The following BMPR1B variants were observed in gnomAD, a reference collection of about 807,000 sequenced individuals.
BMPR1B encodes bone morphogenetic protein receptor type 1B.
BMPR1B carries 12 observed loss-of-function variants against 59.1 expected under a neutral mutation model. The ratio of observed to expected loss-of-function variants is 0.20; its 90% CI spans 0.13 to 0.33. The LOEUF (loss-of-function observed/expected upper bound fraction) is 0.33, where lower values mean the gene tolerates loss of function less well. BMPR1B is among the 10% of genes least tolerant of loss of function. The pLI is 1.00. For missense variants in BMPR1B, 550 were observed against 610.9 expected (o/e 0.90, Z 1.05); for synonymous variants, 237 against 207.3 (o/e 1.14, Z -1.23).
At chr4:94,813,753 T>C (rs1360874219) in intron 1 of BMPR1B, among the ~76,000 whole-genome samples, 1 of 152,082 alleles carries the variant, frequency 6.6e-6, no homozygotes, top group Non-Finnish European at 1.5e-5. Context: ...AGAGAAATGA[T>C]GGCTTAGACT....
intron 3 of BMPR1B, among the ~76,000 whole-genome samples, chr4:95,066,675 A>G (rs749223786): frequency 2.0e-5 from 3 of 152,220 alleles, no homozygotes; most frequent in Non-Finnish European, 4.4e-5. Context: ...ATACTTTTCA[A>G]ATTGTGGTCC....
chr4:95,133,759 T>G (rs1447035931), intron 10 of BMPR1B, among the ~76,000 whole-genome samples: 1 of 151,380 alleles, frequency 6.6e-6, no homozygotes. Flanking sequence ...TTTTAATAGA[T>G]GGGATCTCAC....
At chr4:94,991,266 A>G (rs1423383635) in intron 2 of BMPR1B, among the ~76,000 whole-genome samples, 1 of 151,992 alleles carries the variant, frequency 6.6e-6, no homozygotes, top group Non-Finnish European at 1.5e-5. Flanking sequence ...TTTACTTCTC[A>G]TTGTACATGC....
intron 2 of BMPR1B, among the ~76,000 whole-genome samples, chr4:94,924,625 C>T (rs560838041): frequency 6.6e-6 from 1 of 152,246 alleles, no homozygotes; most frequent in East Asian, 1.9e-4. Flanking sequence ...ACAAGACAGT[C>T]CATGGTTTCC....
chr4:95,069,299 A>G (rs1315132531), intron 3 of BMPR1B, among the ~76,000 whole-genome samples: 1 of 152,186 alleles, frequency 6.6e-6, no homozygotes, highest in East Asian at 1.9e-4. Flanking sequence ...CATAGCAATC[A>G]GAGTAGAAGT....
chr4:94,892,546 A>C (rs1248150199), intron 2 of BMPR1B, among the ~76,000 whole-genome samples: 2 of 152,068 alleles, frequency 1.3e-5, no homozygotes, highest in Non-Finnish European at 2.9e-5. Flanking sequence ...CTGAAGACCA[A>C]AAAAAGGGTA....
chr4:95,085,279 C>A (rs2149241291), intron 3 of BMPR1B, among the ~76,000 whole-genome samples: 1 of 152,184 alleles, frequency 6.6e-6, no homozygotes, highest in East Asian at 1.9e-4. Context: ...TCCAGCAGAC[C>A]AATGGCAGGT....
intron 2 of BMPR1B, among the ~76,000 whole-genome samples, chr4:94,973,083 A>G (rs1730877962): frequency 6.6e-6 from 1 of 152,122 alleles, no homozygotes; most frequent in Non-Finnish European, 1.5e-5. Context: ...GGCACCAGCA[A>G]TAGCAAACTC....
intron 2 of BMPR1B, among the ~76,000 whole-genome samples, chr4:94,915,535 T>C (rs1728450248): frequency 6.6e-6 from 1 of 152,202 alleles, no homozygotes; most frequent in South Asian, 2.1e-4. Context: ...AGTGTTCAAT[T>C]GGACAGATGT....
chr4:94,808,625 G>C (rs1723697485), intron 1 of BMPR1B, among the ~76,000 whole-genome samples: 1 of 152,146 alleles, frequency 6.6e-6, no homozygotes. Context: ...TGAGATTCCA[G>C]ATATGCACTT....
chr4:95,078,517 T>G (rs970661189), intron 3 of BMPR1B, among the ~76,000 whole-genome samples: 8 of 152,160 alleles, frequency 5.3e-5, no homozygotes, highest in Admixed American at 3.9e-4. Flanking sequence ...AAGTAAATAT[T>G]ATTACCCCTG....
At chr4:94,791,880 T>A (rs2110603736) in intron 1 of BMPR1B, among the ~76,000 whole-genome samples, 1 of 151,260 alleles carries the variant, frequency 6.6e-6, no homozygotes, top group South Asian at 2.1e-4. Flanking sequence ...ATTCATTTTC[T>A]GAAATGAATA....
chr4:94,982,590 C>T (rs28676957), intron 2 of BMPR1B, among the ~76,000 whole-genome samples: 62,775 of 152,014 alleles, frequency 0.41, 13,750 homozygotes, highest in East Asian at 0.71. Context: ...AAAAAGTCCT[C>T]GTTGATATTA....
At chr4:95,131,556 T>C (rs377690858) in intron 10 of BMPR1B, 44 bp downstream of exon 10, 14 of 1,600,886 alleles carry the variant, frequency 8.7e-6, no homozygotes, top group Non-Finnish European at 1.2e-5. Context: ...GACTCTTTTC[T>C]GTTACTTTTT....
At position 94,819,511 on chromosome 4, in the gene BMPR1B, C is replaced by T. The variant is rs118171245; in HGVS notation, c.-182-56320C>T. 8.6e-3 allele frequency among the ~76,000 whole-genome samples: 1,313 copies of T among 152,250 alleles called. 19 individuals are homozygous for T. Among genetic ancestry groups the T allele is most frequent in the South Asian group, 0.056 (272 of 4,824 alleles). On this transcript the variant is annotated intron_variant, in intron 1 of 12. Coordinates refer to ENST00000515059, the MANE Select transcript of BMPR1B (RefSeq NM_001203.3). ...CTGTGTGGGAATTCAGACACTGTGG[C>T]GTAGCCAGTGGAAGTATTTTTAGCC...
rs887071727 is a variant in BMPR1B, at chr4:94,840,709, T to C, written c.-182-35122T>C. On this transcript the variant is annotated intron_variant, in intron 1 of 12. Transcript: ENST00000515059. The stretch of plus-strand genomic sequence containing the variant: ...TCAACTTCTTTGTCTTTGGTTTGAA[T>C]GTCCTCCCGTAGCTCAGAGTAATTT... Among the ~76,000 whole-genome samples, 32 of 147,764 alleles carry C rather than the reference T, an allele frequency of 2.2e-4. 5 individuals are homozygous for C. Among genetic ancestry groups the C allele is most frequent in the Non-Finnish European group, 3.5e-4 (23 of 66,328 alleles).
chr4:94,937,431 C>T (rs1388694905), intron 2 of BMPR1B, among the ~76,000 whole-genome samples: 1 of 152,156 alleles, frequency 6.6e-6, no homozygotes, highest in East Asian at 1.9e-4. Context: ...ACACTGCCTT[C>T]TGTTTTTCTC....
In BMPR1B at chr4:94,766,313, T is replaced by G. The variant is rs531015874; in HGVS notation, c.-183+8245T>G. ...ACAATTGGCTAAACATTTTCATCAG[T>G]TTATTATCTCCTGAAATGAAGGGAT... is the stretch of plus-strand genomic sequence containing the variant. On this transcript the variant is annotated intron_variant, in intron 1 of 12. Transcript: ENST00000515059. Among the ~76,000 whole-genome samples the G allele has an allele frequency of 6.6e-5, 10 of 152,058 alleles. No individual in the cohort carries two copies. The East Asian group carries it at 1.5e-3, about 23-fold the overall frequency.
At chr4:95,098,806 T>A (rs951168695) in intron 3 of BMPR1B, among the ~76,000 whole-genome samples, 1 of 152,114 alleles carries the variant, frequency 6.6e-6, no homozygotes, top group African/African-American at 2.4e-5. Flanking sequence ...AAGCTCCACC[T>A]CCCAGGTTCA....
Sources: gnomAD v4.1 joint callset for allele counts (sites outside exome capture counted in the v4.1 genomes callset) on GRCh38, gnomAD v4.1.1 for gene constraint, MANE v1.5 for transcripts, NCBI Gene and HGNC (gene_info 2026-07-23, HGNC 2026-07-21) for gene names.